GAS2: variants seen among roughly 807,000 people sequenced by gnomAD.
GAS2 encodes growth arrest-specific protein 2.
In GAS2, 20 loss-of-function variants were observed where a neutral mutation model predicts 37.5. The observed-to-expected ratio is 0.53, with a 90% CI of 0.37 to 0.77. The LOEUF is 0.77. Ranked by LOEUF, GAS2 falls within the 30% of genes least tolerant of loss-of-function variation. The pLI is 0.00. For synonymous variants in GAS2, 144 were observed against 132.2 expected (o/e 1.09, Z -0.61); for missense variants, 336 against 373.4 (o/e 0.90, Z 0.82).
At chr11:22,651,506 C>A (rs1354509420) in intron 1 of GAS2, among the ~76,000 whole-genome samples, 1 of 152,206 alleles carries the variant, frequency 6.6e-6, no homozygotes, top group Non-Finnish European at 1.5e-5. Context: ...TAATATCCTG[C>A]AGAGTGTTTT....
chr11:22,682,183 A>G (rs11820041), intron 2 of GAS2, among the ~76,000 whole-genome samples: 3,111 of 152,212 alleles, frequency 0.02, 114 homozygotes, highest in African/African-American at 0.07. Context: ...TGTTCAATGT[A>G]AAATTCTTTT....
At chr11:22,703,222 C>T (rs1035817177) in intron 3 of GAS2, among the ~76,000 whole-genome samples, 1 of 152,160 alleles carries the variant, frequency 6.6e-6, no homozygotes, top group African/African-American at 2.4e-5. Context: ...ATCATCCCTT[C>T]TACTTACAGT....
intron 4 of GAS2, among the ~76,000 whole-genome samples, chr11:22,728,077 A>T (rs337451): frequency 0.2 from 30,718 of 151,896 alleles, 3,487 homozygotes; most frequent in East Asian, 0.43. Context: ...AACTATCGTT[A>T]ATTTGCTAGT....
intron 3 of GAS2, among the ~76,000 whole-genome samples, chr11:22,703,604 C>A (rs894565562): frequency 1.8e-4 from 27 of 152,058 alleles, no homozygotes; most frequent in African/African-American, 6.0e-4. Context: ...CTGAGAATTG[C>A]TAGGTAATTT....
At chr11:22,635,449 C>G (rs1858808997) in intron 1 of GAS2, among the ~76,000 whole-genome samples, 1 of 152,214 alleles carries the variant, frequency 6.6e-6, no homozygotes, top group South Asian at 2.1e-4. Context: ...ACATCTCACA[C>G]CTGCAGTGTT....
Position 22,755,904 on chromosome 11 carries a change from G to A in GAS2, c.674G>A (p.Arg225Gln), listed in dbSNP as rs1221007893. 5.0e-6 allele frequency: 8 copies of A among 1,612,796 alleles called. No individual in the cohort carries two copies. The highest frequency in any genetic ancestry group is 3.3e-5 in the Admixed American group (2 of 59,910). Reference protein sequence around the residue: ...CKCPNKFCVERLSQGRYRVGE... With the variant: ...CKCPNKFCVEQLSQGRYRVGE... ...TGCCCAAACAAGTTCTGTGTGGAGC[G>A]GCTCTCCCAAGGAAGATACCGAGTG... The change falls in exon 7 of 8, where the codon CGG (arginine) becomes CAG (glutamine). Residue 225 changes from arginine (R) to glutamine (Q), a missense_variant. Physicochemically the swap from Arg to Gln is conservative, Grantham distance 43. Coordinates refer to ENST00000454584, the MANE Select transcript of GAS2 (RefSeq NM_001143830.3).
chr11:22,728,302 G>A (rs1398162176), intron 4 of GAS2, among the ~76,000 whole-genome samples: 1 of 151,732 alleles, frequency 6.6e-6, no homozygotes, highest in Non-Finnish European at 1.5e-5. Flanking sequence ...AGCACTATAG[G>A]TGAAGGTTCT....
intron 1 of GAS2, among the ~76,000 whole-genome samples, chr11:22,646,390 C>T (rs1043406018): frequency 1.1e-4 from 16 of 152,160 alleles, no homozygotes; most frequent in African/African-American, 3.9e-4. Context: ...TACTGACTGC[C>T]AAATTTTCCC....
At chr11:22,762,547 T>C (rs570912342) in intron 7 of GAS2, among the ~76,000 whole-genome samples, 1 of 152,298 alleles carries the variant, frequency 6.6e-6, no homozygotes, top group South Asian at 2.1e-4. Flanking sequence ...AAAAGGCTAT[T>C]CCTCTATAAA....
intron 5 of GAS2, among the ~76,000 whole-genome samples, chr11:22,740,085 G>GA (rs1226251610): frequency 6.6e-6 from 1 of 152,122 alleles, no homozygotes; most frequent in African/African-American, 2.4e-5. Context: ...ATGCCTTTAA[G>GA]AATCACCTTT....
intron 1 of GAS2, among the ~76,000 whole-genome samples, chr11:22,637,004 A>T (rs1254871201): frequency 6.5e-5 from 9 of 138,064 alleles, no homozygotes; most frequent in Non-Finnish European, 1.4e-4. Flanking sequence ...TAATATAAAT[A>T]TTTATATTAT....
intron 7 of GAS2, among the ~76,000 whole-genome samples, chr11:22,761,166 T>C (rs574826029): frequency 4.6e-5 from 7 of 152,336 alleles, no homozygotes; most frequent in African/African-American, 1.7e-4. Context: ...TGTCTTTCCT[T>C]ATCTTTGCAG....
Position 22,713,861 on chromosome 11 carries a change from T to C in GAS2, c.268-12431T>C, listed in dbSNP as rs181311182. ...AAGAAATGCTAAAAGGAGTCCTAAA[T>C]CTTGAAACAAAACCTTGAAATACAC... is the stretch of plus-strand genomic sequence containing the variant. On this transcript the variant is annotated intron_variant, in intron 3 of 7. Transcript: ENST00000454584. Among the ~76,000 whole-genome samples, 34 of 152,204 alleles carry C rather than the reference T, an allele frequency of 2.2e-4. No homozygotes were observed. The East Asian group carries it at 6.6e-3, about 29-fold the overall frequency.
chr11:22,713,643 C>G (rs1486754025), intron 3 of GAS2, among the ~76,000 whole-genome samples: 1 of 152,152 alleles, frequency 6.6e-6, no homozygotes, highest in Non-Finnish European at 1.5e-5. Context: ...TAAAACCTAT[C>G]AGATTAACAG....
intron 5 of GAS2, among the ~76,000 whole-genome samples, chr11:22,745,150 A>G (rs1234176935): frequency 6.7e-6 from 1 of 149,098 alleles, no homozygotes; most frequent in Non-Finnish European, 1.5e-5. Flanking sequence ...AAAAAGCCCA[A>G]ATAGCAAAAG....
In GAS2 at chr11:22,692,916, C is replaced by T. The variant is rs547727581; in HGVS notation, c.267+7127C>T. Among the ~76,000 whole-genome samples the T allele has an allele frequency of 3.5e-4, 53 of 152,184 alleles. 1 individual carries two copies. Among genetic ancestry groups the T allele is most frequent in the African/African-American group, 1.2e-3 (49 of 41,542 alleles). ...AAGAACAAGCGAGGAACATTTGTGT[C>T]GTGTCCTTTCCTAAAAGGGCAATGT... On this transcript the variant is annotated intron_variant, in intron 3 of 7. Transcript: ENST00000454584.
chr11:22,715,525 G>T (rs1444198906), intron 3 of GAS2, among the ~76,000 whole-genome samples: 1 of 147,914 alleles, frequency 6.8e-6, no homozygotes, highest in African/African-American at 2.5e-5. Flanking sequence ...TATTACATTC[G>T]ATAACACAGA....
chr11:22,792,358 A>C (rs776229240), intron 7 of GAS2, among the ~76,000 whole-genome samples: 15 of 152,386 alleles, frequency 9.8e-5, no homozygotes, highest in Non-Finnish European at 1.8e-4. Flanking sequence ...ACCTGTGTGC[A>C]TCTAACAGAC....
intron 3 of GAS2, among the ~76,000 whole-genome samples, chr11:22,722,459 T>C (rs1006366069): frequency 1.3e-5 from 2 of 151,952 alleles, no homozygotes; most frequent in African/African-American, 4.8e-5. Context: ...AAATATTGAA[T>C]CCTACACTAT....
Sources: gnomAD v4.1 joint callset for allele counts (sites outside exome capture counted in the v4.1 genomes callset) on GRCh38, gnomAD v4.1.1 for gene constraint, MANE v1.5 for transcripts, NCBI Gene and HGNC (gene_info 2026-07-23, HGNC 2026-07-21) for gene names.